Variants in TMEM108 observed in about 807,000 individuals in gnomAD.
TMEM108 encodes transmembrane protein 108.
A neutral mutation model predicts 35.1 loss-of-function variants in TMEM108; 12 were observed. The ratio of observed to expected loss-of-function variants is 0.34; its 90% CI spans 0.22 to 0.55. TMEM108 has a LOEUF of 0.55. TMEM108 is among the 20% of genes least tolerant of loss of function. TMEM108 has a pLI of 0.89. For missense variants in TMEM108, 680 were observed against 753.3 expected (o/e 0.90, Z 1.14); for synonymous variants, 287 against 308.6 (o/e 0.93, Z 0.73).
At chr3:133,266,926 A>C (rs1946705501) in intron 3 of TMEM108, among the ~76,000 whole-genome samples, 1 of 150,284 alleles carries the variant, frequency 6.7e-6, no homozygotes, top group Admixed American at 6.6e-5. Flanking sequence ...CAAAAAAAAA[A>C]AAAAAAAGCC....
intron 2 of TMEM108, among the ~76,000 whole-genome samples, chr3:133,168,438 A>G (rs1287921478): frequency 6.6e-6 from 1 of 152,068 alleles, no homozygotes; most frequent in Non-Finnish European, 1.5e-5. Context: ...GGGGGATTGA[A>G]CACATCCTTT....
chr3:133,307,671 C>T (rs1044633852), intron 3 of TMEM108, among the ~76,000 whole-genome samples: 1 of 152,096 alleles, frequency 6.6e-6, no homozygotes, highest in Non-Finnish European at 1.5e-5. Context: ...TGTCAAAGAT[C>T]AGATGGTTGT....
At chr3:133,223,154 C>T (rs1195151634) in intron 2 of TMEM108, among the ~76,000 whole-genome samples, 1 of 152,194 alleles carries the variant, frequency 6.6e-6, no homozygotes, top group African/African-American at 2.4e-5. Flanking sequence ...GATTGTTCCT[C>T]ATCCTTGTTG....
chr3:133,384,973 C>T (rs1226860798), intron 4 of TMEM108, among the ~76,000 whole-genome samples: 1 of 152,096 alleles, frequency 6.6e-6, no homozygotes, highest in Non-Finnish European at 1.5e-5. Flanking sequence ...CTTGAGGGCA[C>T]CCTCTGCACC....
chr3:133,143,315 G>T (rs949205272), intron 2 of TMEM108, among the ~76,000 whole-genome samples: 2 of 151,762 alleles, frequency 1.3e-5, no homozygotes, highest in African/African-American at 2.4e-5. Flanking sequence ...TTTAAAATGG[G>T]AATGCTTAGA....
chr3:133,274,789 G>T (rs1193849165), intron 3 of TMEM108, among the ~76,000 whole-genome samples: 1 of 152,090 alleles, frequency 6.6e-6, no homozygotes, highest in Non-Finnish European at 1.5e-5. Flanking sequence ...ATTTCTGCAG[G>T]CAGTGGACCT....
chr3:133,061,513 G>T (rs536741628), intron 2 of TMEM108, among the ~76,000 whole-genome samples: 1 of 152,016 alleles, frequency 6.6e-6, no homozygotes, highest in Non-Finnish European at 1.5e-5. Context: ...GTGCCCAGCC[G>T]GGCATGTCTC....
intron 2 of TMEM108, among the ~76,000 whole-genome samples, chr3:133,169,597 A>G (rs1485429967): frequency 2.0e-5 from 3 of 152,236 alleles, no homozygotes; most frequent in Non-Finnish European, 4.4e-5. Flanking sequence ...TCTAGAACAA[A>G]TCATACTATG....
At chr3:133,197,733 C>T (rs1945600205) in intron 2 of TMEM108, among the ~76,000 whole-genome samples, 1 of 152,146 alleles carries the variant, frequency 6.6e-6, no homozygotes, top group Admixed American at 6.5e-5. Flanking sequence ...ACTGTGCAGT[C>T]ATGGCTGAAA....
rs1230590710 is a variant in TMEM108, at chr3:133,185,760, G to GTTTCTTTTCT, written c.-46-43487_-46-43478dup. Among the ~76,000 whole-genome samples, 154 of 131,992 alleles carry GTTTCTTTTCT rather than the reference G, an allele frequency of 1.2e-3. 3 individuals carry two copies. Among genetic ancestry groups the GTTTCTTTTCT allele is most frequent in the South Asian group, 9.4e-3 (37 of 3,930 alleles). The allele number at this position is 131,992 out of a possible 152,430, so 86.6% of individuals were successfully genotyped here. ...TTGGCCAATGAATTGGGGACCTTGC[G>GTTTCTTTTCT]TTTCTTTTCTTTTCTTTTCTTTTCT... is the stretch of plus-strand genomic sequence containing the variant. On this transcript the variant is annotated intron_variant, in intron 2 of 5. Transcript: ENST00000321871.
chr3:133,079,650 A>G (rs1943785764), intron 2 of TMEM108, among the ~76,000 whole-genome samples: 1 of 152,144 alleles, frequency 6.6e-6, no homozygotes, highest in East Asian at 1.9e-4. Flanking sequence ...GTACCATCAC[A>G]TTAGGATTAG....
intron 2 of TMEM108, among the ~76,000 whole-genome samples, chr3:133,220,082 GTT>G (rs57936804): frequency 7.2e-6 from 1 of 139,340 alleles, no homozygotes; most frequent in Non-Finnish European, 1.6e-5. Context: ...TGTTTCTTCG[GTT>G]TTTTTTTTTT....
At chr3:133,147,960 C>A (rs990206539) in intron 2 of TMEM108, among the ~76,000 whole-genome samples, 1 of 146,938 alleles carries the variant, frequency 6.8e-6, no homozygotes. Flanking sequence ...CTCTGAATGC[C>A]GTGATAAATC....
chr3:133,279,777 A>G (rs1946886757), intron 3 of TMEM108, among the ~76,000 whole-genome samples: 1 of 152,220 alleles, frequency 6.6e-6, no homozygotes, highest in South Asian at 2.1e-4. Context: ...CCTGTTAAGC[A>G]CTTACAGGCA....
At chr3:133,072,905 T>C (rs115180424) in intron 2 of TMEM108, among the ~76,000 whole-genome samples, 4,199 of 152,254 alleles carry the variant, frequency 0.028, 103 homozygotes, top group South Asian at 0.061. Flanking sequence ...GGACTCATTC[T>C]ATACGCAGCC....
At chr3:133,158,666 C>T (rs1944917414) in intron 2 of TMEM108, among the ~76,000 whole-genome samples, 1 of 152,100 alleles carries the variant, frequency 6.6e-6, no homozygotes, top group African/African-American at 2.4e-5. Flanking sequence ...CAGTCCCCTT[C>T]CTGAGCCTAA....
rs1311218193 is a variant in TMEM108 at position 133,397,090 on chromosome 3, C to G, written c.*1104C>G. The G allele has an allele frequency of 6.6e-6, 1 of 152,224 alleles. No homozygotes were observed. Among genetic ancestry groups the G allele is most frequent in the Non-Finnish European group, 1.5e-5 (1 of 68,050 alleles). The allele number at this position is 152,224 out of a possible 1,614,324, so 9.4% of individuals were successfully genotyped here. A position where few individuals can be genotyped will look rare whatever the true frequency, so the allele number is the denominator to read the frequency against. Reference sequence around the variant, plus strand: ...CCAGCTCTCAGCTTCCACTGCTCCCCTTGTTCCCGGCCGGCTGGCTGCCTC... The same window carrying G: ...CCAGCTCTCAGCTTCCACTGCTCCCGTTGTTCCCGGCCGGCTGGCTGCCTC... On this transcript the variant is annotated 3_prime_UTR_variant, in exon 6 of 6. Coordinates refer to ENST00000321871, the MANE Select transcript of TMEM108 (RefSeq NM_023943.4).
intron 2 of TMEM108, among the ~76,000 whole-genome samples, chr3:133,199,449 G>A (rs756907019): frequency 3.3e-5 from 5 of 152,152 alleles, no homozygotes; most frequent in African/African-American, 4.8e-5. Context: ...TGATGGTGAC[G>A]TACAGTTAGA....
chr3:133,057,423 G>C (rs906041131), intron 2 of TMEM108, among the ~76,000 whole-genome samples: 1 of 37,978 alleles, frequency 2.6e-5, no homozygotes, highest in South Asian at 9.6e-4. Context: ...GCTATTAGTT[G>C]TGTGTGTGTG....
Sources: gnomAD v4.1 joint callset for allele counts (sites outside exome capture counted in the v4.1 genomes callset) on GRCh38, gnomAD v4.1.1 for gene constraint, MANE v1.5 for transcripts, NCBI Gene and HGNC (gene_info 2026-07-23, HGNC 2026-07-21) for gene names.